ZPLD1: variants seen among roughly 807,000 people sequenced by gnomAD.
The protein encoded by ZPLD1 is zona pellucida like domain containing 1, also known as zona pellucida-like domain-containing protein 1.
A neutral mutation model predicts 47.2 loss-of-function variants in ZPLD1; 34 were observed. The ratio of observed to expected loss-of-function variants is 0.72; its 90% CI spans 0.55 to 0.96. The LOEUF (loss-of-function observed/expected upper bound fraction) is 0.96, where lower values mean the gene tolerates loss of function less well. ZPLD1 is among the 40% of genes least tolerant of loss of function. The probability of loss-of-function intolerance (pLI) is 0.00; values close to 1 mark genes in which losing one functional copy is unlikely to be tolerated. For missense variants in ZPLD1, 512 were observed against 505.8 expected (o/e 1.01, Z -0.12); for synonymous variants, 176 against 186.2 (o/e 0.95, Z 0.45).
chr3:102,439,332 T>C (rs1410176399), intron 3 of ZPLD1, among the ~76,000 whole-genome samples: 1 of 152,240 alleles, frequency 6.6e-6, no homozygotes, highest in Non-Finnish European at 1.5e-5. Context: ...GTTTGGAGCA[T>C]GCTATGAAAC....
intron 7 of ZPLD1, among the ~76,000 whole-genome samples, chr3:102,415,641 A>G (rs2107302176): frequency 6.6e-6 from 1 of 151,998 alleles, no homozygotes; most frequent in East Asian, 1.9e-4. Flanking sequence ...CATATTGAAA[A>G]GGTGCTTATA....
In ZPLD1 at chr3:102,477,487, G is replaced by T. The variant is rs79539385; in HGVS notation, c.1117G>T (p.Ala373Ser). The T allele has an allele frequency of 9.9e-6, 16 of 1,613,664 alleles. No individual in the cohort carries two copies. Among genetic ancestry groups the T allele is most frequent in the Non-Finnish European group, 1.4e-5 (16 of 1,179,704 alleles). Residue 373 changes from alanine (A) to serine (S), a missense_variant, in exon 12 of 12, where the codon GCA becomes TCA. By Grantham distance (99) the Ala-to-Ser change is moderately conservative (BLOSUM62 1). Transcript: ENST00000466937. The part of the protein sequence containing the change: ...PPFQLNAITS[A>S]LISGMVILGV... ...CTTCCAGCTGAACGCCATCACCAGC[G>T]CACTGATATCAGGAATGGTCATTCT...
At chr3:102,454,055 T>C (rs9826330) in intron 4 of ZPLD1, among the ~76,000 whole-genome samples, 4,388 of 152,256 alleles carry the variant, frequency 0.029, 90 homozygotes, top group South Asian at 0.046. Flanking sequence ...GAAGGAGATA[T>C]TGACTTTTAC....
At chr3:102,404,903 C>T (rs534761431) in intron 7 of ZPLD1, among the ~76,000 whole-genome samples, 6 of 152,038 alleles carry the variant, frequency 3.9e-5, no homozygotes, top group African/African-American at 1.4e-4. Flanking sequence ...AACAGAAAAG[C>T]CATATCAAAG....
intron 8 of ZPLD1, among the ~76,000 whole-genome samples, chr3:102,422,380 A>T (rs1385907331): frequency 1.3e-5 from 2 of 152,064 alleles, no homozygotes; most frequent in African/African-American, 2.4e-5. Context: ...GAAGCCAAGG[A>T]TGCTGTTAAA....
At chr3:102,398,715 A>G (rs1214351913) in intron 7 of ZPLD1, among the ~76,000 whole-genome samples, 1 of 152,166 alleles carries the variant, frequency 6.6e-6, no homozygotes, top group Non-Finnish European at 1.5e-5. Flanking sequence ...TCTTCACACC[A>G]CCATGAGCAT....
chr3:102,463,768 G>A (rs150310500), intron 7 of ZPLD1, among the ~76,000 whole-genome samples: 127 of 152,078 alleles, frequency 8.4e-4, no homozygotes, highest in Admixed American at 1.4e-3. Flanking sequence ...AGGCAAGCGC[G>A]GTGGCTCACG....
intron 7 of ZPLD1, among the ~76,000 whole-genome samples, chr3:102,394,260 A>G (rs949939656): frequency 6.6e-6 from 1 of 152,242 alleles, no homozygotes; most frequent in Non-Finnish European, 1.5e-5. Context: ...CATGACAATA[A>G]TGCAACATTA....
chr3:102,408,744 C>T (rs539511699), intron 7 of ZPLD1, among the ~76,000 whole-genome samples: 42 of 151,688 alleles, frequency 2.8e-4, no homozygotes, highest in Middle Eastern at 6.8e-3. Flanking sequence ...GTCAATGGTC[C>T]CTTATACACT....
chr3:102,466,043 G>A (rs375231209), intron 8 of ZPLD1, among the ~76,000 whole-genome samples: 1 of 152,180 alleles, frequency 6.6e-6, no homozygotes, highest in South Asian at 2.1e-4. Context: ...AATGCTCAGA[G>A]CCTCAGAAGT....
chr3:102,422,046 A>G (rs1395429198), intron 8 of ZPLD1, among the ~76,000 whole-genome samples: 2 of 152,096 alleles, frequency 1.3e-5, no homozygotes, highest in African/African-American at 4.8e-5. Context: ...ATGTTTAAAC[A>G]GTAAAGCATT....
chr3:102,451,554 T>A (rs1478855179), intron 3 of ZPLD1, among the ~76,000 whole-genome samples: 1 of 152,224 alleles, frequency 6.6e-6, no homozygotes, highest in Non-Finnish European at 1.5e-5. Context: ...TCACAAATGA[T>A]GTGATTTGAG....
In ZPLD1 at chr3:102,478,222, T is replaced by G. The variant is rs1036711714; in HGVS notation, c.*604T>G. The stretch of plus-strand genomic sequence containing the variant: ...TCTCTTAACCTGGGGCACCCTTTTG[T>G]GTAGAAGATAGTGAAAATAGTTGTT... On this transcript the variant is annotated 3_prime_UTR_variant, in exon 12 of 12. Transcript: ENST00000466937. 3 of 152,200 alleles carry G rather than the reference T, an allele frequency of 2.0e-5. No homozygotes were observed. The highest frequency in any genetic ancestry group is 7.2e-5 in the African/African-American group (3 of 41,442). 9.4% of individuals were successfully genotyped at this position (152,200 alleles called of 1,614,324 possible).
intron 8 of ZPLD1, among the ~76,000 whole-genome samples, chr3:102,420,334 T>C (rs182423009): frequency 7.9e-5 from 12 of 152,080 alleles, no homozygotes; most frequent in Non-Finnish European, 1.5e-4. Flanking sequence ...CATTGTGTCC[T>C]GTCCCCCAGA....
chr3:102,468,725 G>A (rs1484738758), intron 8 of ZPLD1, among the ~76,000 whole-genome samples: 1 of 152,018 alleles, frequency 6.6e-6, no homozygotes, highest in East Asian at 1.9e-4. Context: ...CTACATGAAA[G>A]TATAATTCTT....
chr3:102,429,178 A>G (rs1163221893), intron 8 of ZPLD1, among the ~76,000 whole-genome samples: 1 of 152,198 alleles, frequency 6.6e-6, no homozygotes, highest in Non-Finnish European at 1.5e-5. Context: ...TATAGCCCAC[A>G]CAACTCATCT....
At position 102,456,374 on chromosome 3, in the gene ZPLD1, C is replaced by A. The variant is rs145606632; in HGVS notation, c.509C>A (p.Ser170Ter). ...EYLVNNTQLASSSAAISVREN... is the reference protein window; with the variant it reads ...EYLVNNTQLA ...CTGGTTAATAATACCCAGCTTGCTT[C>A]GTAAGTTTGCATTTTATTCCTGCTT... is the stretch of plus-strand genomic sequence containing the variant. Residue 170 changes from serine to a stop codon, truncating the protein, a stop_gained and splice_region_variant, in exon 5 of 12, where the codon TCG (serine) becomes TAG (stop). Transcript: ENST00000466937. LOFTEE classifies it high-confidence loss of function. 6.2e-7 allele frequency: 1 copy of A among 1,608,126 alleles called. No homozygotes were observed. The highest frequency in any genetic ancestry group is 1.1e-5 in the South Asian group (1 of 89,712).
At chr3:102,438,303 G>A (rs1707121239) in intron 2 of ZPLD1, among the ~76,000 whole-genome samples, 177 bp from the exon 3 acceptor site, 2 of 152,202 alleles carry the variant, frequency 1.3e-5, no homozygotes, top group African/African-American at 2.4e-5. Flanking sequence ...ATATTGAAAT[G>A]TTGTAACCCA....
In ZPLD1 at chr3:102,460,714, C is replaced by T. The variant is rs529583763; in HGVS notation, c.583-1567C>T. ...ACAAATTAAAGTCAGAAAATTACCT[C>T]TTAGAAGCAATTCCAGTAGGAAAAA... is the stretch of plus-strand genomic sequence containing the variant. On this transcript the variant is annotated intron_variant, in intron 6 of 11. Coordinates refer to ENST00000466937, the MANE Select transcript of ZPLD1 (RefSeq NM_001329788.2). Among the ~76,000 whole-genome samples, 5 of 151,960 alleles carry T rather than the reference C, an allele frequency of 3.3e-5. No homozygotes were observed. In the South Asian group the frequency reaches 1.0e-3, roughly 32 times the overall value.
Sources: gnomAD v4.1 joint callset for allele counts (sites outside exome capture counted in the v4.1 genomes callset) on GRCh38, gnomAD v4.1.1 for gene constraint, MANE v1.5 for transcripts, NCBI Gene and HGNC (gene_info 2026-07-23, HGNC 2026-07-21) for gene names.